DCUN1D1: variants seen among roughly 807,000 people sequenced by gnomAD.
The protein encoded by DCUN1D1 is defective in cullin neddylation 1 domain containing 1.
In DCUN1D1, 3 loss-of-function variants were observed where a neutral mutation model predicts 39.0. The observed-to-expected ratio is 0.08, with a 90% CI of 0.04 to 0.20. The LOEUF (loss-of-function observed/expected upper bound fraction) is 0.20, where lower values mean the gene tolerates loss of function less well. Ranked by LOEUF, DCUN1D1 falls within the 10% of genes least tolerant of loss-of-function variation. The pLI, the probability that DCUN1D1 is intolerant of heterozygous loss-of-function variation, is 1.00. For missense variants in DCUN1D1, 158 were observed against 302.4 expected (o/e 0.52, Z 3.54); for synonymous variants, 82 against 96.3 (o/e 0.85, Z 0.87).
At position 182,947,346 on chromosome 3, in the gene DCUN1D1, A is replaced by G; in HGVS notation, c.604-12T>C. ...CGTTTATGATGTTCCTATTTAAAAA[A>G]CAAAAACAAAATACATTTGTATCAC... On this transcript the variant is annotated splice_polypyrimidine_tract_variant and intron_variant, in intron 5 of 6. Coordinates refer to ENST00000292782, the MANE Select transcript of DCUN1D1 (RefSeq NM_020640.4). The G allele has an allele frequency of 6.5e-7, 1 of 1,538,322 alleles. No individual in the cohort carries two copies.
intron 4 of DCUN1D1, 98 bp downstream of exon 4, chr3:182,961,128 T>C: frequency 1.1e-6 from 1 of 913,746 alleles, no homozygotes; most frequent in African/African-American, 1.7e-5. Context: ...TTTTCATGAC[T>C]TTATGCTCAA....
At chr3:182,966,142 A>T (rs1330542240) in intron 1 of DCUN1D1, among the ~76,000 whole-genome samples, 3 of 152,032 alleles carry the variant, frequency 2.0e-5, no homozygotes, top group Non-Finnish European at 4.4e-5. Flanking sequence ...GATCAGACGC[A>T]GGGAAGAAGA....
chr3:182,951,274 T>C (rs562204004), intron 4 of DCUN1D1, among the ~76,000 whole-genome samples: 1 of 152,218 alleles, frequency 6.6e-6, no homozygotes, highest in Admixed American at 6.5e-5. Context: ...CTAGTATATT[T>C]TTTTCCTTTT....
At position 182,941,750 on chromosome 3, in the gene DCUN1D1, G is replaced by T. The variant is rs1384688267; in HGVS notation, c.*3344C>A. On this transcript the variant is annotated 3_prime_UTR_variant, in exon 7 of 7. Transcript: ENST00000292782. ...CTACATAAATTAATTCTTGCTAAAA[G>T]TTGATTCAGTTTTACAAAGGCATAC... 1 of 152,028 alleles carries T rather than the reference G, an allele frequency of 6.6e-6. No homozygotes were observed. Among genetic ancestry groups the T allele is most frequent in the African/African-American group, 2.4e-5 (1 of 41,414 alleles). 9.4% of individuals were successfully genotyped at this position (152,028 alleles called of 1,614,324 possible). A position where few individuals can be genotyped will look rare whatever the true frequency, so the allele number is the denominator to read the frequency against.
chr3:182,957,961 A>AC (rs1560169419), intron 4 of DCUN1D1, among the ~76,000 whole-genome samples: 2 of 150,242 alleles, frequency 1.3e-5, no homozygotes, highest in Non-Finnish European at 3.0e-5. Context: ...AAAAAAAAAA[A>AC]CAGAAACATG....
At chr3:182,970,877 C>G (rs1332324521) in intron 1 of DCUN1D1, among the ~76,000 whole-genome samples, 1 of 152,200 alleles carries the variant, frequency 6.6e-6, no homozygotes, top group Non-Finnish European at 1.5e-5. Flanking sequence ...CTCCAATAGA[C>G]TACAGGTCCG....
intron 1 of DCUN1D1, among the ~76,000 whole-genome samples, chr3:182,967,729 C>T (rs555582033): frequency 1.3e-5 from 2 of 152,276 alleles, no homozygotes; most frequent in African/African-American, 4.8e-5. Flanking sequence ...AGGATTCTTC[C>T]CTTTTGAAAA....
In DCUN1D1 at chr3:182,971,779, A is replaced by C. The variant is rs1365918886; in HGVS notation, c.4-6026T>G. On this transcript the variant is annotated intron_variant, in intron 1 of 6. Coordinates refer to ENST00000292782, the MANE Select transcript of DCUN1D1 (RefSeq NM_020640.4). ...TTTATTTACTTATTCAAAAAGTAGC[A>C]GAGCCAGAATGAAACCCTGGTGCCT... 3.9e-5 allele frequency among the ~76,000 whole-genome samples: 6 copies of C among 152,166 alleles called. No individual in the cohort carries two copies. In the East Asian group the frequency reaches 1.2e-3, roughly 29 times the overall value.
At chr3:182,951,359 C>T (rs954501550) in intron 4 of DCUN1D1, among the ~76,000 whole-genome samples, 1 of 151,732 alleles carries the variant, frequency 6.6e-6, no homozygotes, top group Non-Finnish European at 1.5e-5. Context: ...CTATAAATGC[C>T]AGTATGTCAA....
chr3:182,971,029 T>C (rs1166072316), intron 1 of DCUN1D1, among the ~76,000 whole-genome samples: 2 of 152,242 alleles, frequency 1.3e-5, no homozygotes, highest in Non-Finnish European at 2.9e-5. Flanking sequence ...TCTTTCCTTC[T>C]ACCTGTACAG....
At chr3:182,955,686 T>G (rs1049951819) in intron 4 of DCUN1D1, 1 of 338,278 alleles carries the variant, frequency 3.0e-6, no homozygotes, top group Non-Finnish European at 5.8e-6. Context: ...CAAGTTCAAG[T>G]GAACCTGCCT....
intron 1 of DCUN1D1, among the ~76,000 whole-genome samples, chr3:182,966,115 G>A (rs1041329963): frequency 1.4e-4 from 21 of 152,082 alleles, no homozygotes; most frequent in Admixed American, 8.5e-4. Flanking sequence ...AAGCAGACAC[G>A]GGGAAGAAGG....
At chr3:182,957,296 T>C (rs751666887) in intron 4 of DCUN1D1, among the ~76,000 whole-genome samples, 3 of 152,212 alleles carry the variant, frequency 2.0e-5, no homozygotes, top group East Asian at 1.9e-4. Flanking sequence ...AGAGGACTTA[T>C]GAAATCCTTT....
rs1223760995 is a variant in DCUN1D1 at position 182,944,385 on chromosome 3, A to T, written c.*709T>A. The T allele has an allele frequency of 1.3e-5, 2 of 152,600 alleles. No homozygotes were observed. Among genetic ancestry groups the T allele is most frequent in the Non-Finnish European group, 2.9e-5 (2 of 68,020 alleles). The allele number at this position is 152,600 out of a possible 1,614,324, so 9.5% of individuals were successfully genotyped here. A position where few individuals can be genotyped will look rare whatever the true frequency, so the allele number is the denominator to read the frequency against. ...GCTCCCTGTAGGACAGCTATATATA[A>T]ACATGGGTAAGGTAAGCGCAGACTA... On this transcript the variant is annotated 3_prime_UTR_variant, in exon 7 of 7. Transcript: ENST00000292782.
At chr3:182,963,157 T>C (rs1313590405) in intron 3 of DCUN1D1, among the ~76,000 whole-genome samples, 2 of 152,202 alleles carry the variant, frequency 1.3e-5, no homozygotes, top group African/African-American at 4.8e-5. Context: ...ACTCTAATAC[T>C]ACCTAATTCT....
chr3:182,950,307 C>A (rs1726643642), intron 4 of DCUN1D1, among the ~76,000 whole-genome samples: 1 of 151,984 alleles, frequency 6.6e-6, no homozygotes, highest in African/African-American at 2.4e-5. Context: ...ACCACCACGA[C>A]CGGCTAATTT....
intron 1 of DCUN1D1, among the ~76,000 whole-genome samples, chr3:182,970,280 G>T (rs949280384): frequency 6.6e-6 from 1 of 151,872 alleles, no homozygotes; most frequent in African/African-American, 2.4e-5. Context: ...AAAAAGAAAA[G>T]AAAAGAAATT....
chr3:182,951,435 T>C (rs1406073094), intron 4 of DCUN1D1, among the ~76,000 whole-genome samples: 1 of 151,738 alleles, frequency 6.6e-6, no homozygotes, highest in East Asian at 1.9e-4. Flanking sequence ...AACAACATAG[T>C]GAGACTTGGT....
At chr3:182,945,694 G>C (rs1217421266) in intron 6 of DCUN1D1, among the ~76,000 whole-genome samples, 1 of 152,190 alleles carries the variant, frequency 6.6e-6, no homozygotes, top group East Asian at 1.9e-4. Context: ...GGAGAAACAA[G>C]TTTTCAAGCA....
Sources: gnomAD v4.1 joint callset for allele counts (sites outside exome capture counted in the v4.1 genomes callset) on GRCh38, gnomAD v4.1.1 for gene constraint, MANE v1.5 for transcripts, NCBI Gene and HGNC (gene_info 2026-07-23, HGNC 2026-07-21) for gene names.